Variants in PPP1R36 observed in about 807,000 individuals in gnomAD.
The protein encoded by PPP1R36 is chromosome 14 open reading frame 50.
Under a neutral mutation model 53.4 loss-of-function variants are expected in PPP1R36, and 47 were observed. The ratio of observed to expected loss-of-function variants is 0.88; its 90% CI spans 0.70 to 1.12. The LOEUF (loss-of-function observed/expected upper bound fraction) is 1.12. Ranked by LOEUF, PPP1R36 falls within the 50% of genes most tolerant of loss-of-function variation. PPP1R36 has a pLI of 0.00. For missense variants in PPP1R36, 456 were observed against 513.9 expected (o/e 0.89, Z 1.09); for synonymous variants, 153 against 170.5 (o/e 0.90, Z 0.80).
At chr14:64,561,982 A>G (rs2080209023) in intron 3 of PPP1R36, 1 of 350,202 alleles carries the variant, frequency 2.9e-6, no homozygotes, top group South Asian at 2.2e-5. Flanking sequence ...CATTTACGTG[A>G]TGGATTCTAG....
At chr14:64,564,902 T>G in intron 4 of PPP1R36, 65 bp downstream of exon 4, 1 of 1,059,590 alleles carries the variant, frequency 9.4e-7, no homozygotes, top group Middle Eastern at 2.0e-4. Context: ...GGCTTCAGCC[T>G]TTACAAACTA....
chr14:64,554,406 C>T (rs1354983858), intron 3 of PPP1R36, among the ~76,000 whole-genome samples: 1 of 152,192 alleles, frequency 6.6e-6, no homozygotes, highest in Non-Finnish European at 1.5e-5. Flanking sequence ...CCACCTCGGC[C>T]TCCCAAAGTG....
At chr14:64,574,698 T>C in intron 8 of PPP1R36, 109 bp downstream of exon 8, 1 of 1,234,368 alleles carries the variant, frequency 8.1e-7, no homozygotes, top group Non-Finnish European at 1.1e-6. Context: ...CTTTTTCTGT[T>C]GTCCAGAGTA....
chr14:64,574,738 C>A, intron 8 of PPP1R36, 149 bp downstream of exon 8: 1 of 764,182 alleles, frequency 1.3e-6, no homozygotes, highest in Non-Finnish European at 2.1e-6. Context: ...CTGTCCCAAA[C>A]CCTTGTAATG....
rs2080464363 is a variant in PPP1R36, at chr14:64,589,224, C to T, written c.1155C>T (p.Asn385=). 1.2e-6 allele frequency: 2 copies of T among 1,613,986 alleles called. No individual in the cohort carries two copies. Among genetic ancestry groups the T allele is most frequent in the Non-Finnish European group, 1.7e-6 (2 of 1,179,936 alleles). ...HTLHPLDPEE[N]TKSFGRYPSL... is the part of the protein sequence containing the mutation. ...TTCACCCCCTTGATCCAGAAGAAAACACAAAATCATTTGGGAGATATCCTT... is the reference window on the plus strand; with the variant it reads ...TTCACCCCCTTGATCCAGAAGAAAATACAAAATCATTTGGGAGATATCCTT... Residue 385 remains asparagine, a synonymous_variant, in exon 12 of 12, where the codon AAC becomes AAT. Transcript: ENST00000298705.
chr14:64,566,935 T>G (rs1175260676), intron 6 of PPP1R36, among the ~76,000 whole-genome samples: 1 of 152,244 alleles, frequency 6.6e-6, no homozygotes, highest in African/African-American at 2.4e-5. Flanking sequence ...ACTGCAGGAC[T>G]GAACTCCACT....
chr14:64,588,194 A>T lies in PPP1R36; in HGVS notation c.981A>T (p.Lys327Asn), dbSNP rs1437634378. The change falls in exon 11 of 12, where the codon AAA becomes AAT. Residue 327 changes from lysine (K) to asparagine (N), a missense_variant. Lys to Asn is a moderately conservative substitution (Grantham distance 94). Coordinates refer to ENST00000298705, the MANE Select transcript of PPP1R36 (RefSeq NM_172365.3). ...CTCTGCTGCCATCTCTCAGAGAAAA[A>T]GCTCAAAACGTCTTTGAGAAAAAGT... ...MSTLLPSLREKAQNVFEKKYH... is the reference protein window; with the variant it reads ...MSTLLPSLRENAQNVFEKKYH... 2 of 1,613,866 alleles carry T rather than the reference A, an allele frequency of 1.2e-6. No homozygotes were observed.
chr14:64,569,210 A>C (rs1481263966), intron 7 of PPP1R36, among the ~76,000 whole-genome samples: 2 of 152,192 alleles, frequency 1.3e-5, no homozygotes, highest in African/African-American at 4.8e-5. Flanking sequence ...GAGCAGAACA[A>C]TGCCTCTCAG....
intron 8 of PPP1R36, among the ~76,000 whole-genome samples, chr14:64,579,095 A>C (rs192256862): frequency 1.3e-5 from 2 of 152,332 alleles, no homozygotes; most frequent in Admixed American, 6.5e-5. Context: ...GAAGCAACAG[A>C]CACTGGGGTC....
chr14:64,586,678 T>G, intron 8 of PPP1R36, 159 bp from the exon 9 acceptor site: 2 of 546,842 alleles, frequency 3.7e-6, no homozygotes. Context: ...AATAAGAAAG[T>G]ATTGAGACTC....
intron 3 of PPP1R36, among the ~76,000 whole-genome samples, chr14:64,554,116 A>G (rs981702261): frequency 1.1e-4 from 17 of 150,372 alleles, no homozygotes; most frequent in Non-Finnish European, 2.4e-4. Flanking sequence ...TTCCCTGTTA[A>G]AGTCTGAGCA....
chr14:64,550,378 T>G (rs919468772), intron 1 of PPP1R36: 44 of 885,200 alleles, frequency 5.0e-5, no homozygotes, highest in Non-Finnish European at 6.5e-5. Context: ...AGCCCCGCTC[T>G]GGATAGAAAG....
At position 64,564,754 on chromosome 14, in the gene PPP1R36, T is replaced by C; in HGVS notation, c.186T>C (p.Phe62=). The change falls in exon 4 of 12, where the codon TTT becomes TTC. Residue 62 remains phenylalanine, a synonymous_variant. Coordinates refer to ENST00000298705, the MANE Select transcript of PPP1R36 (RefSeq NM_172365.3). ...AATTATCTCATTTTTATTGCAGTTT[T>C]ACACCTGCAGCAGAAGTCAAGGAAA... ...VQWLLKHHPH[F]TPAAEVKEKG... is the part of the protein sequence containing the mutation. The C allele has an allele frequency of 6.2e-7, 1 of 1,607,522 alleles. No homozygotes were observed. The highest frequency in any genetic ancestry group is 8.5e-7 in the Non-Finnish European group (1 of 1,177,748).
At chr14:64,571,462 T>C (rs1230436018) in intron 7 of PPP1R36, among the ~76,000 whole-genome samples, 1 of 152,150 alleles carries the variant, frequency 6.6e-6, no homozygotes, top group African/African-American at 2.4e-5. Context: ...ATATGTACTT[T>C]CAAGTTACTA....
chr14:64,562,385 C>G (rs190289746), intron 3 of PPP1R36, among the ~76,000 whole-genome samples: 1 of 151,888 alleles, frequency 6.6e-6, no homozygotes, highest in African/African-American at 2.4e-5. Context: ...CGCTTGAACC[C>G]GGGATGAAGA....
rs147167561 is a variant in PPP1R36, at chr14:64,588,233, C to T, written c.1020C>T (p.Asp340=). The change falls in exon 11 of 12, where the codon GAC becomes GAT. Residue 340 remains aspartate, a synonymous_variant. Coordinates refer to ENST00000298705, the MANE Select transcript of PPP1R36 (RefSeq NM_172365.3). ...TTGAGAAAAAGTATCATCAAGTAGA[C>T]GTCAGATTCCCAGCCGAGATGCAAA... ...NVFEKKYHQV[D]VRFPAEMQKH... 35 of 1,614,012 alleles carry T rather than the reference C, an allele frequency of 2.2e-5. No individual in the cohort carries two copies. Among genetic ancestry groups the T allele is most frequent in the South Asian group, 7.7e-5 (7 of 91,048 alleles).
In PPP1R36 at chr14:64,579,016, G is replaced by A. The variant is rs145035379; in HGVS notation, c.668+4427G>A. On this transcript the variant is annotated intron_variant, in intron 8 of 11. Transcript: ENST00000298705. ...GCAAACTAGCACAGGAGCAGAAAAC[G>A]AAATACTGCATGTTCTCATTTATTT... 7.5e-3 allele frequency among the ~76,000 whole-genome samples: 1,138 copies of A among 152,302 alleles called. 7 individuals carry two copies. Among genetic ancestry groups the A allele is most frequent in the South Asian group, 0.033 (157 of 4,828 alleles).
chr14:64,583,293 T>C (rs535409404), intron 8 of PPP1R36, among the ~76,000 whole-genome samples: 11 of 151,908 alleles, frequency 7.2e-5, no homozygotes, highest in Non-Finnish European at 2.9e-5. Context: ...ATAAAAATTA[T>C]AAAATACCAA....
Position 64,589,226 on chromosome 14 carries a change from C to G in PPP1R36, c.1157C>G (p.Thr386Arg). The G allele has an allele frequency of 6.2e-7, 1 of 1,613,986 alleles. No homozygotes were observed. Among genetic ancestry groups the G allele is most frequent in the Non-Finnish European group, 8.5e-7 (1 of 1,179,920 alleles). Residue 386 changes from threonine to arginine, a missense_variant, in exon 12 of 12, where the codon ACA becomes AGA. Coordinates refer to ENST00000298705, the MANE Select transcript of PPP1R36 (RefSeq NM_172365.3). ...CACCCCCTTGATCCAGAAGAAAACA[C>G]AAAATCATTTGGGAGATATCCTTCC... ...TLHPLDPEEN[T>R]KSFGRYPSLM...
Sources: allele counts gnomAD v4.1 joint callset (sites outside exome capture counted in the v4.1 genomes callset), GRCh38; gene constraint gnomAD v4.1.1; transcripts MANE v1.5; gene names NCBI Gene and HGNC (gene_info 2026-07-23, HGNC 2026-07-21).